Variants in MAF observed in about 807,000 individuals in gnomAD.
The protein encoded by MAF is MAF bZIP transcription factor.
A neutral mutation model predicts 22.0 loss-of-function variants in MAF; 10 were observed. The observed-to-expected ratio is 0.45, with a 90% CI of 0.28 to 0.77. The LOEUF (loss-of-function observed/expected upper bound fraction) is 0.77. MAF is among the 30% of genes least tolerant of loss of function. The pLI is 0.12. For synonymous variants in MAF, 337 were observed against 255.8 expected (o/e 1.32, Z -3.03); for missense variants, 544 against 548.4 (o/e 0.99, Z 0.08).
chr16:79,474,601 T>C, the MAF span, among the ~76,000 whole-genome samples: 2 of 152,176 alleles, frequency 1.3e-5, no homozygotes, highest in East Asian at 3.9e-4. Flanking sequence ...GGTGTTAATA[T>C]AAATGGGTTC....
At chr16:79,290,879 A>G in the MAF span, among the ~76,000 whole-genome samples, 81,078 of 151,882 alleles carry the variant, frequency 0.53, 23,979 homozygotes, top group Admixed American at 0.67. Flanking sequence ...CAGATTCCCA[A>G]TCTCTACCCC....
the MAF span, among the ~76,000 whole-genome samples, chr16:79,368,519 G>A: frequency 6.6e-6 from 1 of 152,110 alleles, no homozygotes; most frequent in East Asian, 1.9e-4. Context: ...AAGGGACACA[G>A]AAGTATTTGT....
chr16:79,492,066 T>C, the MAF span, among the ~76,000 whole-genome samples: 4 of 152,084 alleles, frequency 2.6e-5, no homozygotes, highest in Non-Finnish European at 5.9e-5. Context: ...ATTGCAAAGA[T>C]CTCTGTGAAT....
chr16:79,320,553 C>T, the MAF span, among the ~76,000 whole-genome samples: 6 of 152,150 alleles, frequency 3.9e-5, no homozygotes, highest in Non-Finnish European at 7.4e-5. Context: ...ACCTAGAATT[C>T]GCTTCTTATG....
chr16:79,490,759 T>A, the MAF span, among the ~76,000 whole-genome samples: 22 of 152,200 alleles, frequency 1.4e-4, no homozygotes, highest in African/African-American at 5.3e-4. Context: ...ATTTGTTTTG[T>A]ACTGAGAACA....
chr16:79,425,711 C>T, the MAF span, among the ~76,000 whole-genome samples: 6 of 147,700 alleles, frequency 4.1e-5, no homozygotes, highest in East Asian at 1.0e-3. Context: ...TTCTGACTTA[C>T]TCTGTACCCA....
chr16:79,458,049 A>G, the MAF span, among the ~76,000 whole-genome samples: 1 of 151,894 alleles, frequency 6.6e-6, no homozygotes, highest in African/African-American at 2.4e-5. Flanking sequence ...AAAAGAAGAA[A>G]ATAAAAATTG....
At chr16:79,423,296 C>G in the MAF span, among the ~76,000 whole-genome samples, 1 of 152,032 alleles carries the variant, frequency 6.6e-6, no homozygotes, top group East Asian at 1.9e-4. Context: ...TCAGCAAGGA[C>G]CAAGGAGAGG....
At chr16:79,375,513 G>A in the MAF span, among the ~76,000 whole-genome samples, 1 of 152,088 alleles carries the variant, frequency 6.6e-6, no homozygotes, top group Admixed American at 6.6e-5. Flanking sequence ...TGATGATGAT[G>A]ATATATTAAT....
At chr16:79,497,950 G>C in the MAF span, among the ~76,000 whole-genome samples, 1 of 152,176 alleles carries the variant, frequency 6.6e-6, no homozygotes, top group Non-Finnish European at 1.5e-5. Context: ...CCCAGTTCTA[G>C]AGACCAGAAG....
the MAF span, among the ~76,000 whole-genome samples, chr16:79,348,691 G>A: frequency 6.6e-6 from 1 of 152,242 alleles, no homozygotes; most frequent in South Asian, 2.1e-4. Context: ...TGCCTGCATG[G>A]CGACATGGTC....
chr16:79,578,138 A>T, the MAF span, among the ~76,000 whole-genome samples: 1 of 152,270 alleles, frequency 6.6e-6, no homozygotes, highest in African/African-American at 2.4e-5. Flanking sequence ...GCATTAATTT[A>T]AAATGATCAC....
chr16:79,544,687 G>A, the MAF span, among the ~76,000 whole-genome samples: 1 of 151,060 alleles, frequency 6.6e-6, no homozygotes, highest in Admixed American at 6.6e-5. Flanking sequence ...GCAGGAGAAT[G>A]GCGTGAACCC....
chr16:79,312,775 C>T, the MAF span, among the ~76,000 whole-genome samples: 1 of 152,192 alleles, frequency 6.6e-6, no homozygotes. Context: ...TCCTTTATCT[C>T]CGCTTGCATC....
At chr16:79,371,297 G>C in the MAF span, among the ~76,000 whole-genome samples, 83 of 152,184 alleles carry the variant, frequency 5.5e-4, 1 homozygote, top group East Asian at 0.011. Flanking sequence ...CCTCCCTTGA[G>C]GTCAGATTAG....
At chr16:79,305,203 T>C in the MAF span, among the ~76,000 whole-genome samples, 1 of 152,306 alleles carries the variant, frequency 6.6e-6, no homozygotes, top group Admixed American at 6.5e-5. Flanking sequence ...GCAGGTGAAC[T>C]GTTTCTATTA....
the MAF span, among the ~76,000 whole-genome samples, chr16:79,271,952 G>T: frequency 2.6e-4 from 39 of 152,176 alleles, no homozygotes; most frequent in Non-Finnish European, 5.0e-4. Context: ...GCCCACACAG[G>T]ATATGGGATC....
chr16:79,275,289 T>G, the MAF span, among the ~76,000 whole-genome samples: 3 of 152,136 alleles, frequency 2.0e-5, no homozygotes, highest in African/African-American at 4.8e-5. Flanking sequence ...TCAGGGAGGT[T>G]GCAGTGAGAT....
chr16:79,255,977 CTTTTCTTTTTT>C, the MAF span, among the ~76,000 whole-genome samples: 3 of 107,946 alleles, frequency 2.8e-5, no homozygotes, highest in Non-Finnish European at 3.9e-5. Context: ...TTTTTCTTTT[CTTTTCTTTTTT>C]TTTTTTTTTT....
Sources: allele counts gnomAD v4.1 joint callset (sites outside exome capture counted in the v4.1 genomes callset), GRCh38; gene constraint gnomAD v4.1.1; transcripts MANE v1.5; gene names NCBI Gene and HGNC (gene_info 2026-07-23, HGNC 2026-07-21).